The following HSPG2 variants were observed in gnomAD, a reference collection of about 807,000 sequenced individuals.
HSPG2 encodes the protein basement membrane-specific heparan sulfate proteoglycan core protein.
Under a neutral mutation model 526.6 loss-of-function variants are expected in HSPG2, and 278 were observed. That is an observed-to-expected ratio of 0.53 (90% CI 0.48 to 0.58). The LOEUF (loss-of-function observed/expected upper bound fraction) is 0.58. HSPG2 is among the 20% of genes least tolerant of loss of function. The pLI is 0.00. For synonymous variants in HSPG2, 2,465 were observed against 2,555.4 expected (o/e 0.96, Z 1.07); for missense variants, 5,354 against 6,099.5 (o/e 0.88, Z 4.07).
Position 21,880,445 on chromosome 1 carries a change from C to T in HSPG2, c.2113G>A (p.Val705Met), listed in dbSNP as rs775704543. ...QTVYNTKMAS[V>M]GLSDIAMDTT... ...TCCATGGCGATGTCGCTAAGTCCCA[C>T]GCTGGCCATCTTGGTGTTGTACACG... The change falls in exon 16 of 97, where the codon GTG becomes ATG. Residue 705 changes from valine to methionine, a missense_variant. Coordinates refer to ENST00000374695, the MANE Select transcript of HSPG2 (RefSeq NM_005529.7). The T allele has an allele frequency of 1.1e-5, 17 of 1,613,944 alleles. No individual in the cohort carries two copies. The highest frequency in any genetic ancestry group is 1.6e-4 in the Middle Eastern group (1 of 6,084).
rs778847659 is a variant in HSPG2 at position 21,824,639 on chromosome 1, G to T, written c.12666-24C>A. On this transcript the variant is annotated intron_variant, in intron 92 of 96. Transcript: ENST00000374695. The surrounding 1 kb of genome is among the most constrained non-coding windows in gnomAD (Gnocchi z 5.9). ...GGCTGCGGAGGAAGAGCGGGTGAGG[G>T]GACAGAAGTCCCAGATTCCCATCCT... The T allele has an allele frequency of 1.2e-6, 2 of 1,613,886 alleles. No individual in the cohort carries two copies. Among genetic ancestry groups the T allele is most frequent in the Admixed American group, 1.7e-5 (1 of 60,006 alleles).
rs562541297 is a variant in HSPG2, at chr1:21,869,716, G to A, written c.4221+2470C>T. On this transcript the variant is annotated intron_variant, in intron 33 of 96. Transcript: ENST00000374695. Reference sequence around the variant, plus strand: ...AGAAGGGAGCAGAGAGGGACAGAAAGGACGTCCGTGAGGCTTCACCTCCCC... The same window carrying A: ...AGAAGGGAGCAGAGAGGGACAGAAAAGACGTCCGTGAGGCTTCACCTCCCC... The A allele has an allele frequency of 6.1e-6, 6 of 986,112 alleles. No homozygotes were observed. In the South Asian group the frequency reaches 2.8e-4, roughly 46 times the overall value. The allele number at this position is 986,112 out of a possible 1,614,324, so 61.1% of individuals were successfully genotyped here.
At chr1:21,915,759 T>C (rs971486800) in intron 1 of HSPG2, among the ~76,000 whole-genome samples, 1 of 152,170 alleles carries the variant, frequency 6.6e-6, no homozygotes, top group Non-Finnish European at 1.5e-5. Flanking sequence ...ATCAAGAAAC[T>C]GAATTTTTTG....
chr1:21,931,801 TG>T (rs1644357600), intron 1 of HSPG2, among the ~76,000 whole-genome samples: 1 of 152,136 alleles, frequency 6.6e-6, no homozygotes, highest in Admixed American at 6.5e-5. Context: ...CTTGAAGCTC[TG>T]CAGACTCACC....
intron 74 of HSPG2, among the ~76,000 whole-genome samples, chr1:21,837,237 T>C (rs1360366574): frequency 6.6e-6 from 1 of 152,038 alleles, no homozygotes; most frequent in Non-Finnish European, 1.5e-5. Context: ...TTTCCACAGC[T>C]CCTCGCTTCT....
chr1:21,836,323 A>G (rs933146746), intron 75 of HSPG2, among the ~76,000 whole-genome samples: 2 of 152,112 alleles, frequency 1.3e-5, no homozygotes, highest in African/African-American at 4.8e-5. Flanking sequence ...ATCTCCTTTC[A>G]GTCTTTTTTC....
In HSPG2 at chr1:21,847,250, C is replaced by T. The variant is rs2152712684; in HGVS notation, c.8164+104G>A. The T allele has an allele frequency of 2.3e-6, 3 of 1,330,396 alleles. No individual in the cohort carries two copies. Among genetic ancestry groups the T allele is most frequent in the East Asian group, 4.6e-5 (2 of 43,220 alleles). 82.4% of individuals were successfully genotyped at this position (1,330,396 alleles called of 1,614,324 possible). ...TGAACCCACGCATCTTTCCGCTGGC[C>T]CTTGCCTGAGTACCACCAGGTCTGA... On this transcript the variant is annotated intron_variant, in intron 62 of 96. Transcript: ENST00000374695. The surrounding 1 kb of genome is among the most constrained non-coding windows in gnomAD (Gnocchi z 4.1).
intron 64 of HSPG2, among the ~76,000 whole-genome samples, chr1:21,845,895 TA>T (rs1006652238): frequency 9.9e-5 from 15 of 152,166 alleles, no homozygotes; most frequent in African/African-American, 3.6e-4. Context: ...GTCCAAAGCC[TA>T]TGCTCGCAAG....
At position 21,831,796 on chromosome 1, in the gene HSPG2, C is replaced by A; in HGVS notation, c.11208G>T (p.Arg3736=). ...FGLVGGRPEF[R]FDAGSGMATI... ...TGGCCATGCCTGAGCCTGCATCGAACCTGCTCCGTGGGGCAGGCCGGGGCA... is the reference window on the plus strand; with the variant it reads ...TGGCCATGCCTGAGCCTGCATCGAAACTGCTCCGTGGGGCAGGCCGGGGCA... The change falls in exon 82 of 97, where the codon CGG becomes CGT. Residue 3736 remains arginine (R), a splice_region_variant and synonymous_variant. Transcript: ENST00000374695. 6.3e-7 allele frequency: 1 copy of A among 1,597,868 alleles called. No homozygotes were observed.
intron 1 of HSPG2, among the ~76,000 whole-genome samples, chr1:21,926,679 T>C (rs1248799564): frequency 7.0e-6 from 1 of 142,524 alleles, no homozygotes; most frequent in East Asian, 2.0e-4. Flanking sequence ...AGAATCGCTA[T>C]TGAATCCGAG....
intron 33 of HSPG2, among the ~76,000 whole-genome samples, chr1:21,869,819 T>A (rs1640509484): frequency 6.6e-6 from 1 of 152,238 alleles, no homozygotes; most frequent in Non-Finnish European, 1.5e-5. Context: ...TTGTACCCAC[T>A]GCCCTCTTGT....
At chr1:21,862,175 A>T in intron 37 of HSPG2, 60 bp from the exon 38 acceptor site, 1 of 1,591,142 alleles carries the variant, frequency 6.3e-7, no homozygotes, top group Non-Finnish European at 8.5e-7. Flanking sequence ...GAAGCCTTTC[A>T]GGGTTGCAAT....
chr1:21,930,499 T>G (rs185005820), intron 1 of HSPG2, among the ~76,000 whole-genome samples: 1 of 152,264 alleles, frequency 6.6e-6, no homozygotes, highest in Admixed American at 6.5e-5. Flanking sequence ...ACAGGGCGGG[T>G]GCAGTGGCTC....
intron 1 of HSPG2, among the ~76,000 whole-genome samples, chr1:21,922,277 T>C (rs1055833694): frequency 6.6e-6 from 1 of 152,130 alleles, no homozygotes; most frequent in Admixed American, 6.5e-5. Flanking sequence ...GTGATGAAGC[T>C]AGGATAGGCC....
chr1:21,878,160 G>C, intron 21 of HSPG2, 26 bp downstream of exon 21: 2 of 1,607,546 alleles, frequency 1.2e-6, no homozygotes, highest in Non-Finnish European at 1.7e-6. Context: ...CAAGGCCCCT[G>C]GGTGGGTGGC....
Position 21,875,231 on chromosome 1 carries a change from C to T in HSPG2, c.3303-229G>A, listed in dbSNP as rs1281501814. The T allele has an allele frequency of 1.1e-5, 7 of 610,390 alleles. No individual in the cohort carries two copies. In the East Asian group the frequency reaches 1.9e-4, roughly 17 times the overall value. 37.8% of individuals were successfully genotyped at this position (610,390 alleles called of 1,614,324 possible). ...CCTGGAGAGGTTATACCACCTCGTTCCCCTGGGGTCCCCAATGACAGGCTG... is the reference window on the plus strand; with the variant it reads ...CCTGGAGAGGTTATACCACCTCGTTTCCCTGGGGTCCCCAATGACAGGCTG... On this transcript the variant is annotated intron_variant, in intron 25 of 96. Coordinates refer to ENST00000374695, the MANE Select transcript of HSPG2 (RefSeq NM_005529.7).
In HSPG2 at chr1:21,858,676, C is replaced by T. The variant is rs192768111; in HGVS notation, c.5293+890G>A. 2.8e-4 allele frequency among the ~76,000 whole-genome samples: 43 copies of T among 152,356 alleles called. No individual in the cohort carries two copies. The highest frequency in any genetic ancestry group is 9.9e-4 in the African/African-American group (41 of 41,582). ...CTGGTGGCCTAGCCACGCTTCCCAC[C>T]CCCCGTGCCCACCTGCCTGACTTCT... On this transcript the variant is annotated intron_variant, in intron 42 of 96. Transcript: ENST00000374695. This position sits in a 1 kb window ranked among gnomAD's most constrained non-coding sequence, Gnocchi z 4.2.
chr1:21,874,123 G>A (rs1169491223), intron 28 of HSPG2, 112 bp from the exon 29 acceptor site: 11 of 928,350 alleles, frequency 1.2e-5, no homozygotes, highest in Non-Finnish European at 1.7e-5. Flanking sequence ...GTGAACTCAT[G>A]TGTCCTCAGT....
chr1:21,917,642 CAG>C (rs895992710), intron 1 of HSPG2, among the ~76,000 whole-genome samples: 1 of 152,116 alleles, frequency 6.6e-6, no homozygotes, highest in Non-Finnish European at 1.5e-5. Context: ...GACACCCACT[CAG>C]GGTAACACAG....
Sources: gnomAD v4.1 joint callset for allele counts (sites outside exome capture counted in the v4.1 genomes callset) on GRCh38, gnomAD v4.1.1 for gene constraint, Gnocchi (gnomAD v3.1) non-coding constraint, MANE v1.5 for transcripts, NCBI Gene and HGNC (gene_info 2026-07-23, HGNC 2026-07-21) for gene names.